LYZL1: variants seen among roughly 807,000 people sequenced by gnomAD.
The protein encoded by LYZL1 is lysozyme like 1.
A neutral mutation model predicts 17.9 loss-of-function variants in LYZL1; 16 were observed. The observed-to-expected ratio is 0.90, with a 90% CI of 0.61 to 1.36. LYZL1 has a LOEUF of 1.36. Among genes scored for constraint, LYZL1 ranks in the 40% most tolerant of loss-of-function variants. The pLI, the probability that LYZL1 is intolerant of heterozygous loss-of-function variation, is 0.00. For missense variants in LYZL1, 149 were observed against 188.4 expected (o/e 0.79, Z 1.22); for synonymous variants, 58 against 71.8 (o/e 0.81, Z 0.97).
rs931585814 is a variant in LYZL1, at chr10:29,310,899, C to T, written c.378-91C>T. On this transcript the variant is annotated intron_variant, in intron 4 of 4. Coordinates refer to ENST00000649382, the MANE Select transcript of LYZL1 (RefSeq NM_032517.6). The stretch of plus-strand genomic sequence containing the variant: ...GAAACCCAACCCAGGGTTCCGCTGG[C>T]GATTTTGGTTAATTTCTGTAGGCTT... The T allele has an allele frequency of 2.0e-5, 32 of 1,597,894 alleles. No individual in the cohort carries two copies. In the African/African-American group the frequency reaches 2.6e-4, roughly 13 times the overall value.
At position 29,306,416 on chromosome 10, in the gene LYZL1, G is replaced by A. The variant is rs1413014162; in HGVS notation, c.299-3694G>A. Among the ~76,000 whole-genome samples, 2 of 146,192 alleles carry A rather than the reference G, an allele frequency of 1.4e-5. 1 individual carries two copies. The highest frequency in any genetic ancestry group is 3.0e-5 in the Non-Finnish European group (2 of 66,090). On this transcript the variant is annotated intron_variant, in intron 3 of 4. Transcript: ENST00000649382. ...ATACAAAAAATTAGCCGGGCGTAGT[G>A]GCGGGCGCCTGTAGTCCCAGCTACT...
chr10:29,305,207 C>T (rs1400116278), intron 3 of LYZL1, among the ~76,000 whole-genome samples: 1 of 152,044 alleles, frequency 6.6e-6, no homozygotes, highest in Non-Finnish European at 1.5e-5. Context: ...ATCAAGCACC[C>T]GAAATAAAGT....
Position 29,289,851 on chromosome 10 carries a change from A to T in LYZL1, c.-26+621A>T, listed in dbSNP as rs561659554. 2.8e-4 allele frequency among the ~76,000 whole-genome samples: 42 copies of T among 152,298 alleles called. No homozygotes were observed. The South Asian group carries it at 4.1e-3, about 15-fold the overall frequency. Reference sequence around the variant, plus strand: ...TAGGCTTTGTGGTCTATACGGCCTCAAACACAATTACTGAACTCTGCCACT... The same window carrying T: ...TAGGCTTTGTGGTCTATACGGCCTCTAACACAATTACTGAACTCTGCCACT... On this transcript the variant is annotated intron_variant, in intron 1 of 4. Transcript: ENST00000649382.
chr10:29,316,098 T>G (rs564761363), downstream of LYZL1, among the ~76,000 whole-genome samples: 475 of 151,986 alleles, frequency 3.1e-3, 2 homozygotes, highest in Non-Finnish European at 6.0e-3. Flanking sequence ...TGCAGAGGAG[T>G]CATGGCCAGG....
At chr10:29,296,371 C>G (rs1044557128) in intron 3 of LYZL1, among the ~76,000 whole-genome samples, 4 of 152,070 alleles carry the variant, frequency 2.6e-5, no homozygotes, top group Non-Finnish European at 4.4e-5. Context: ...CAACAAAAAG[C>G]TCTGAAATCA....
intron 4 of LYZL1, among the ~76,000 whole-genome samples, chr10:29,317,946 T>TG (rs771611237): frequency 1.0e-4 from 15 of 143,418 alleles, no homozygotes; most frequent in African/African-American, 3.8e-4. Flanking sequence ...CCTGTCTCTT[T>TG]AAAAAAAAAA....
chr10:29,315,175 A>G (rs1234609870), downstream of LYZL1, among the ~76,000 whole-genome samples: 1 of 152,246 alleles, frequency 6.6e-6, no homozygotes, highest in Admixed American at 6.5e-5. Context: ...AATAAACAGG[A>G]ACTACTCTTT....
chr10:29,310,051 T>C (rs1835648361), intron 3 of LYZL1, 59 bp from the exon 4 acceptor site: 1 of 1,235,124 alleles, frequency 8.1e-7, no homozygotes, highest in Non-Finnish European at 1.2e-6. Context: ...AAAGTTGAGT[T>C]GAGGTCCCTC....
intron 3 of LYZL1, among the ~76,000 whole-genome samples, chr10:29,294,570 T>A (rs1835421023): frequency 6.6e-6 from 1 of 152,206 alleles, no homozygotes; most frequent in African/African-American, 2.4e-5. Context: ...CACTGATGTA[T>A]CCTCAATGTC....
At chr10:29,315,314 A>G (rs36014036), downstream of LYZL1, among the ~76,000 whole-genome samples, 7,841 of 152,176 alleles carry the variant, frequency 0.052, 292 homozygotes, top group Non-Finnish European at 0.078. Flanking sequence ...GTTCGAGACC[A>G]TCCTGCCCAA....
chr10:29,299,638 T>C (rs1243011538), intron 3 of LYZL1, among the ~76,000 whole-genome samples: 1 of 152,230 alleles, frequency 6.6e-6, no homozygotes, highest in East Asian at 1.9e-4. Flanking sequence ...GTTATGTCTT[T>C]GTGGTGAATT....
intron 3 of LYZL1, among the ~76,000 whole-genome samples, chr10:29,299,844 C>T (rs919844684): frequency 2.0e-5 from 3 of 152,196 alleles, no homozygotes; most frequent in African/African-American, 7.2e-5. Context: ...TTATAGATAG[C>T]ATATAGTTAT....
chr10:29,310,970 T>G lies in LYZL1; in HGVS notation c.378-20T>G, dbSNP rs1302742610. On this transcript the variant is annotated intron_variant, in intron 4 of 4. Coordinates refer to ENST00000649382, the MANE Select transcript of LYZL1 (RefSeq NM_032517.6). ...TTGTCACGCTTCTTTCTGCTGCTCCTGCTTCCCTCTCATCCTCAGGCAAGG... is the reference window on the plus strand; with the variant it reads ...TTGTCACGCTTCTTTCTGCTGCTCCGGCTTCCCTCTCATCCTCAGGCAAGG... 6.2e-7 allele frequency: 1 copy of G among 1,614,212 alleles called. No homozygotes were observed. The highest frequency in any genetic ancestry group is 1.1e-5 in the South Asian group (1 of 91,080).
intron 3 of LYZL1, among the ~76,000 whole-genome samples, chr10:29,293,899 G>A (rs193184364): frequency 7.2e-5 from 11 of 152,000 alleles, no homozygotes; most frequent in Non-Finnish European, 1.2e-4. Flanking sequence ...GCTTGAACCC[G>A]GGAGGTGGAG....
At chr10:29,294,333 A>G (rs560153610) in intron 3 of LYZL1, among the ~76,000 whole-genome samples, 8 of 152,326 alleles carry the variant, frequency 5.3e-5, no homozygotes, top group African/African-American at 7.2e-5. Context: ...AGCAAGATCA[A>G]TCTGCAAGCA....
intron 1 of LYZL1, among the ~76,000 whole-genome samples, 187 bp downstream of exon 1, chr10:29,289,417 C>CTTTTTTTTTTTTTT (rs11347424): frequency 7.8e-6 from 1 of 128,732 alleles, no homozygotes; most frequent in Non-Finnish European, 1.6e-5. Flanking sequence ...TTTTTCTTTT[C>CTTTTTTTTTTTTTT]TTTTTTTTTT....
intron 3 of LYZL1, among the ~76,000 whole-genome samples, chr10:29,303,773 T>C (rs2132828462): frequency 1.3e-5 from 2 of 151,990 alleles, no homozygotes; most frequent in Admixed American, 1.3e-4. Context: ...GGCCAGAGAG[T>C]TTTTTATTAG....
At chr10:29,312,787 T>C (rs1835688620), downstream of LYZL1, among the ~76,000 whole-genome samples, 1 of 152,178 alleles carries the variant, frequency 6.6e-6, no homozygotes, top group Admixed American at 6.5e-5. Flanking sequence ...TCAATCCACA[T>C]GCCTCTGTTC....
intron 3 of LYZL1, among the ~76,000 whole-genome samples, chr10:29,309,616 G>T (rs1835643545): frequency 6.6e-6 from 1 of 151,924 alleles, no homozygotes; most frequent in African/African-American, 2.4e-5. Flanking sequence ...CGCACTTCAG[G>T]CTCCTGAGTA....
Sources: gnomAD v4.1 joint callset for allele counts (sites outside exome capture counted in the v4.1 genomes callset) on GRCh38, gnomAD v4.1.1 for gene constraint, MANE v1.5 for transcripts, NCBI Gene and HGNC (gene_info 2026-07-23, HGNC 2026-07-21) for gene names.